The following BANP variants were observed in gnomAD, a reference collection of about 807,000 sequenced individuals.
BANP encodes the protein BTG3 associated nuclear protein.
BANP carries 11 observed loss-of-function variants against 68.1 expected under a neutral mutation model. That is an observed-to-expected ratio of 0.16 (90% CI 0.10 to 0.27). The LOEUF (loss-of-function observed/expected upper bound fraction) is 0.27. Among genes scored for constraint, BANP ranks in the 10% least tolerant of loss-of-function variants. The pLI, the probability that BANP is intolerant of heterozygous loss-of-function variation, is 1.00. For synonymous variants in BANP, 329 were observed against 303.2 expected (o/e 1.09, Z -0.88); for missense variants, 504 against 722.7 (o/e 0.70, Z 3.47).
Position 88,057,965 on chromosome 16 carries a change from A to G in BANP, c.1312-7302A>G, listed in dbSNP as rs1391685104. ...GGTGTGGGCCCGTGGGCCTGATTGA[A>G]GTCACACTCCTGCCCCCTTAAACTA... On this transcript the variant is annotated intron_variant, in intron 11 of 13. Transcript: ENST00000682872. This position sits in a 1 kb window ranked among gnomAD's most constrained non-coding sequence, Gnocchi z 4.6. Among the ~76,000 whole-genome samples the G allele has an allele frequency of 6.6e-6, 1 of 152,182 alleles. No individual in the cohort carries two copies. The highest frequency in any genetic ancestry group is 1.5e-5 in the Non-Finnish European group (1 of 68,028).
At chr16:87,971,238 G>A (rs1450051042) in intron 1 of BANP, among the ~76,000 whole-genome samples, 2 of 124,478 alleles carry the variant, frequency 1.6e-5, no homozygotes, top group Non-Finnish European at 3.9e-5. Context: ...GTTACATTGT[G>A]TCTGCGTTTA....
At chr16:87,998,270 A>C (rs193200732) in intron 4 of BANP, among the ~76,000 whole-genome samples, 2 of 152,300 alleles carry the variant, frequency 1.3e-5, no homozygotes, top group East Asian at 3.9e-4. Context: ...AAAATAGATG[A>C]AAAAGTGCTG....
At chr16:88,010,538 C>CGTGCT (rs1441267576) in intron 6 of BANP, among the ~76,000 whole-genome samples, 1 of 152,224 alleles carries the variant, frequency 6.6e-6, no homozygotes, top group Non-Finnish European at 1.5e-5. Flanking sequence ...ACTGGCACGC[C>CGTGCT]GTGCTGACCT....
intron 6 of BANP, among the ~76,000 whole-genome samples, chr16:88,010,538 C>A (rs535125429): frequency 1.3e-5 from 2 of 152,224 alleles, no homozygotes; most frequent in Non-Finnish European, 2.9e-5. Flanking sequence ...ACTGGCACGC[C>A]GTGCTGACCT....
At chr16:88,075,790 A>G (rs1363506436) in intron 13 of BANP, among the ~76,000 whole-genome samples, 2 of 131,434 alleles carry the variant, frequency 1.5e-5, no homozygotes, top group Non-Finnish European at 3.1e-5. Flanking sequence ...TCTGTTGCCC[A>G]GGCTGGAGTG....
intron 12 of BANP, among the ~76,000 whole-genome samples, chr16:88,065,686 C>T (rs1380858872): frequency 6.6e-6 from 1 of 152,144 alleles, no homozygotes; most frequent in African/African-American, 2.4e-5. Flanking sequence ...GTGATGGTTC[C>T]CTCAGGCTGA....
intron 9 of BANP, among the ~76,000 whole-genome samples, chr16:88,033,451 A>C (rs2078641589): frequency 6.6e-6 from 1 of 152,098 alleles, no homozygotes; most frequent in African/African-American, 2.4e-5. Flanking sequence ...TGCAGAGCCT[A>C]GGGATTGAAG....
In BANP at chr16:88,026,372, C is replaced by T. The variant is rs192808003; in HGVS notation, c.896-1111C>T. On this transcript the variant is annotated intron_variant, in intron 7 of 13. Coordinates refer to ENST00000682872, the MANE Select transcript of BANP (RefSeq NM_001386991.1). ...CGTCGGGAATGACATAAGCAAGCCC[C>T]GGACCTGAGCAGCGATGGGAGGGTG... 2.2e-3 allele frequency among the ~76,000 whole-genome samples: 328 copies of T among 152,282 alleles called. 5 individuals are homozygous for T. Among genetic ancestry groups the T allele is most frequent in the Non-Finnish European group, 3.4e-3 (233 of 68,020 alleles).
At chr16:88,033,808 G>A (rs2078719654) in intron 9 of BANP, among the ~76,000 whole-genome samples, 2 of 152,210 alleles carry the variant, frequency 1.3e-5, no homozygotes, top group Admixed American at 6.5e-5. Context: ...CCCAAGCTGT[G>A]GTCAGCCTGA....
intron 11 of BANP, among the ~76,000 whole-genome samples, chr16:88,048,588 G>A (rs1273126864): frequency 6.6e-6 from 1 of 151,720 alleles, no homozygotes; most frequent in Non-Finnish European, 1.5e-5. Context: ...AAAGGGCATC[G>A]ATTCTAACAG....
intron 3 of BANP, among the ~76,000 whole-genome samples, chr16:87,982,403 G>T (rs2063449948): frequency 6.6e-6 from 1 of 152,210 alleles, no homozygotes; most frequent in African/African-American, 2.4e-5. Flanking sequence ...AATAACATGG[G>T]TGTACTGTGT....
At position 87,977,418 on chromosome 16, in the gene BANP, C is replaced by CAAAAA. The variant is rs56077067; in HGVS notation, c.70+2240_70+2244dup. 1.4e-3 allele frequency among the ~76,000 whole-genome samples: 203 copies of CAAAAA among 140,900 alleles called. 1 individual carries two copies. Among genetic ancestry groups the CAAAAA allele is most frequent in the Middle Eastern group, 3.8e-3 (1 of 262 alleles). The allele number at this position is 140,900 out of a possible 152,430, so 92.4% of individuals were successfully genotyped here. Reference sequence around the variant, plus strand: ...TGGGCGACAGAGCGAGACTCCGTCTCAAAAAAAAAAACAAAACCTACTGTG... The same window carrying CAAAAA: ...TGGGCGACAGAGCGAGACTCCGTCTCAAAAAAAAAAAAAAAACAAAACCTACTGTG... On this transcript the variant is annotated intron_variant, in intron 2 of 13. Transcript: ENST00000682872.
At chr16:88,042,672 T>C (rs1213332688) in intron 11 of BANP, among the ~76,000 whole-genome samples, 1 of 152,198 alleles carries the variant, frequency 6.6e-6, no homozygotes, top group East Asian at 1.9e-4. Flanking sequence ...ATCCCAGTAC[T>C]TTGGGGAGGC....
chr16:87,978,753 G>C, intron 2 of BANP: 1 of 437,220 alleles, frequency 2.3e-6, no homozygotes, highest in South Asian at 1.6e-5. Flanking sequence ...CACAGGTGCT[G>C]ATAATCAAAA....
rs201534157 is a variant in BANP at position 88,076,667 on chromosome 16, G to T, written c.*6G>T. On this transcript the variant is annotated 3_prime_UTR_variant, in exon 14 of 14. Transcript: ENST00000682872. ...GGGCCATCCAGATTCAGTGAGCGGT[G>T]CCCATGGCACCAGGAGCCCCTCGCC... 81 of 1,605,988 alleles carry T rather than the reference G, an allele frequency of 5.0e-5. No individual in the cohort carries two copies. The African/African-American group carries it at 1.0e-3, about 20-fold the overall frequency.
At chr16:88,040,437 G>A (rs953589440) in intron 11 of BANP, among the ~76,000 whole-genome samples, 4 of 152,190 alleles carry the variant, frequency 2.6e-5, no homozygotes, top group Admixed American at 2.6e-4. Context: ...CGAGCAGTGC[G>A]GGGGTCACAT....
At chr16:88,062,099 T>A (rs1013872017) in intron 11 of BANP, among the ~76,000 whole-genome samples, 2 of 152,224 alleles carry the variant, frequency 1.3e-5, no homozygotes, top group African/African-American at 4.8e-5. Context: ...AAGGACTTCT[T>A]GGCTTTTCCA....
At chr16:87,996,960 T>A (rs1450952037) in intron 4 of BANP, among the ~76,000 whole-genome samples, 1 of 152,236 alleles carries the variant, frequency 6.6e-6, no homozygotes, top group African/African-American at 2.4e-5. Context: ...TCACATGTGC[T>A]CCATTTTGTG....
chr16:87,961,639 ATAGT>A (rs1395202705), intron 1 of BANP, among the ~76,000 whole-genome samples: 1 of 152,178 alleles, frequency 6.6e-6, no homozygotes, highest in Non-Finnish European at 1.5e-5. Flanking sequence ...TTTGGAAGCT[ATAGT>A]TATTTTTCAT....
Sources: gnomAD v4.1 joint callset for allele counts (sites outside exome capture counted in the v4.1 genomes callset) on GRCh38, gnomAD v4.1.1 for gene constraint, Gnocchi (gnomAD v3.1) non-coding constraint, MANE v1.5 for transcripts, NCBI Gene and HGNC (gene_info 2026-07-23, HGNC 2026-07-21) for gene names.